ATRNL1: variants seen among roughly 807,000 people sequenced by gnomAD.
ATRNL1 encodes attractin-like protein 1.
A neutral mutation model predicts 182.7 loss-of-function variants in ATRNL1; 95 were observed. The ratio of observed to expected loss-of-function variants is 0.52; its 90% CI spans 0.44 to 0.62. ATRNL1 has a LOEUF of 0.62. Among genes scored for constraint, ATRNL1 ranks in the 20% least tolerant of loss-of-function variants. The probability of loss-of-function intolerance (pLI) is 0.00; values close to 1 mark genes in which losing one functional copy is unlikely to be tolerated. For missense variants in ATRNL1, 1,471 were observed against 1,679.5 expected (o/e 0.88, Z 2.17); for synonymous variants, 576 against 568.3 (o/e 1.01, Z -0.19).
chr10:115,225,880 T>C (rs1391849439), intron 9 of ATRNL1, among the ~76,000 whole-genome samples: 1 of 150,984 alleles, frequency 6.6e-6, no homozygotes, highest in Admixed American at 6.6e-5. Flanking sequence ...GATTCTAAAA[T>C]TTATACAAAA....
intron 27 of ATRNL1, among the ~76,000 whole-genome samples, chr10:115,834,816 G>A (rs1044305865): frequency 2.0e-5 from 3 of 152,102 alleles, no homozygotes; most frequent in African/African-American, 7.2e-5. Flanking sequence ...TAGTGTGATA[G>A]GGACCAATAT....
chr10:115,225,927 C>G (rs189250064), intron 9 of ATRNL1, among the ~76,000 whole-genome samples: 2 of 150,374 alleles, frequency 1.3e-5, no homozygotes, highest in East Asian at 4.0e-4. Flanking sequence ...TTTAGAGTCT[C>G]CGTGTCAATT....
At chr10:115,538,358 G>T (rs1852163355) in intron 25 of ATRNL1, among the ~76,000 whole-genome samples, 1 of 152,134 alleles carries the variant, frequency 6.6e-6, no homozygotes, top group South Asian at 2.1e-4. Flanking sequence ...ACCAGTGCTT[G>T]GTCCTGTCAA....
intron 25 of ATRNL1, among the ~76,000 whole-genome samples, chr10:115,537,028 T>C (rs1433008634): frequency 6.6e-6 from 1 of 152,222 alleles, no homozygotes; most frequent in Non-Finnish European, 1.5e-5. Context: ...CCTGAAGATA[T>C]GGATTTTGCT....
chr10:115,659,540 T>G (rs1860542449), intron 26 of ATRNL1, among the ~76,000 whole-genome samples: 1 of 152,136 alleles, frequency 6.6e-6, no homozygotes, highest in Non-Finnish European at 1.5e-5. Context: ...GTATGCTATT[T>G]AATGTTATTT....
chr10:115,349,272 A>G (rs1554940588), intron 19 of ATRNL1, among the ~76,000 whole-genome samples: 6 of 152,150 alleles, frequency 3.9e-5, no homozygotes, highest in South Asian at 2.1e-4. Context: ...CATCAGTGTC[A>G]TTGCAAATGA....
chr10:115,300,394 C>A, intron 16 of ATRNL1, 147 bp downstream of exon 16: 1 of 598,122 alleles, frequency 1.7e-6, no homozygotes. Flanking sequence ...TATTAGTGAT[C>A]TCAGCATTAA....
intron 28 of ATRNL1, among the ~76,000 whole-genome samples, chr10:115,914,427 G>C (rs1284401907): frequency 1.3e-5 from 2 of 152,156 alleles, no homozygotes; most frequent in Non-Finnish European, 2.9e-5. Context: ...AAAGAGCAGG[G>C]ATTTGGGGGT....
At chr10:115,485,305 T>G (rs1483168810) in intron 24 of ATRNL1, among the ~76,000 whole-genome samples, 1 of 152,012 alleles carries the variant, frequency 6.6e-6, no homozygotes, top group African/African-American at 2.4e-5. Flanking sequence ...CTTCCTCTAT[T>G]TCATCTACAG....
At chr10:115,383,810 G>A (rs1858173470) in intron 19 of ATRNL1, among the ~76,000 whole-genome samples, 1 of 151,836 alleles carries the variant, frequency 6.6e-6, no homozygotes, top group Admixed American at 6.6e-5. Context: ...AGTAAAGACA[G>A]CATGATGTAT....
chr10:115,609,623 G>A (rs547564715), intron 26 of ATRNL1, among the ~76,000 whole-genome samples: 12 of 152,190 alleles, frequency 7.9e-5, no homozygotes, highest in Admixed American at 3.3e-4. Flanking sequence ...CCCTGCACAA[G>A]TGTGATTATT....
intron 26 of ATRNL1, among the ~76,000 whole-genome samples, chr10:115,589,573 A>G (rs1486703709): frequency 6.6e-6 from 1 of 152,160 alleles, no homozygotes; most frequent in African/African-American, 2.4e-5. Flanking sequence ...GCTTTCAAAA[A>G]GACAAAATTT....
At chr10:115,572,897 G>C (rs1320808964) in intron 26 of ATRNL1, among the ~76,000 whole-genome samples, 1 of 152,126 alleles carries the variant, frequency 6.6e-6, no homozygotes, top group African/African-American at 2.4e-5. Context: ...GCTTGAGGGA[G>C]GGGGAGCATG....
chr10:115,324,573 A>C (rs1554932580), intron 18 of ATRNL1, among the ~76,000 whole-genome samples: 1 of 152,200 alleles, frequency 6.6e-6, no homozygotes, highest in African/African-American at 2.4e-5. Context: ...CAAATATATG[A>C]TGTGAATTTA....
At chr10:115,899,305 TTTG>T (rs1342476693) in intron 28 of ATRNL1, among the ~76,000 whole-genome samples, 7 of 152,086 alleles carry the variant, frequency 4.6e-5, no homozygotes, top group African/African-American at 7.2e-5. Flanking sequence ...TCCCTATTTT[TTTG>T]TTGTTGTTGT....
chr10:115,449,066 C>T (rs1317550837), intron 21 of ATRNL1, among the ~76,000 whole-genome samples: 1 of 152,150 alleles, frequency 6.6e-6, no homozygotes, highest in Non-Finnish European at 1.5e-5. Context: ...AGAGGGCAGT[C>T]CCTGGGAGGG....
intron 21 of ATRNL1, among the ~76,000 whole-genome samples, chr10:115,450,903 G>A (rs782406414): frequency 3.3e-4 from 50 of 152,134 alleles, no homozygotes; most frequent in Non-Finnish European, 6.3e-4. Flanking sequence ...AACCAAAACA[G>A]CATGATACTG....
chr10:115,514,050 A>C (rs1375390993), intron 24 of ATRNL1, among the ~76,000 whole-genome samples: 1 of 151,938 alleles, frequency 6.6e-6, no homozygotes, highest in Non-Finnish European at 1.5e-5. Context: ...CATACACTTC[A>C]TCCCACCATT....
intron 27 of ATRNL1, among the ~76,000 whole-genome samples, chr10:115,802,630 A>T (rs1949824257): frequency 6.6e-6 from 1 of 152,228 alleles, no homozygotes; most frequent in African/African-American, 2.4e-5. Flanking sequence ...GTACATTTTT[A>T]AAATGGCAAT....
Sources: gnomAD v4.1 joint callset for allele counts (sites outside exome capture counted in the v4.1 genomes callset) on GRCh38, gnomAD v4.1.1 for gene constraint, MANE v1.5 for transcripts, NCBI Gene and HGNC (gene_info 2026-07-23, HGNC 2026-07-21) for gene names.